Variants in DTD1 observed in about 807,000 individuals in gnomAD.
DTD1 encodes the protein D-tyrosyl-tRNA deacylase 1 homolog.
DTD1 carries 13 observed loss-of-function variants against 25.6 expected under a neutral mutation model. The observed-to-expected ratio is 0.51, with a 90% CI of 0.33 to 0.81. The LOEUF (loss-of-function observed/expected upper bound fraction) is 0.81, where lower values mean the gene tolerates loss of function less well. Ranked by LOEUF, DTD1 falls within the 30% of genes least tolerant of loss-of-function variation. The pLI is 0.02. For missense variants in DTD1, 193 were observed against 266.4 expected (o/e 0.72, Z 1.92); for synonymous variants, 110 against 103.6 (o/e 1.06, Z -0.37).
chr20:18,613,472 T>C (rs2060696394), intron 3 of DTD1, among the ~76,000 whole-genome samples: 1 of 152,174 alleles, frequency 6.6e-6, no homozygotes, highest in African/African-American at 2.4e-5. Flanking sequence ...TAGGCACTTG[T>C]TTTTTATTTT....
chr20:18,618,615 ATATATG>A (rs1463307128), intron 3 of DTD1, among the ~76,000 whole-genome samples: 6 of 150,272 alleles, frequency 4.0e-5, no homozygotes, highest in Non-Finnish European at 8.9e-5. Flanking sequence ...ATGTGTGTGT[ATATATG>A]TATATGTATA....
At chr20:18,609,432 G>A (rs1253785706) in intron 3 of DTD1, among the ~76,000 whole-genome samples, 3 of 151,992 alleles carry the variant, frequency 2.0e-5, no homozygotes, top group African/African-American at 7.2e-5. Context: ...GATTACAGGC[G>A]TGAGCCACCA....
At chr20:18,594,650 T>C (rs2060602811) in intron 2 of DTD1, among the ~76,000 whole-genome samples, 1 of 152,218 alleles carries the variant, frequency 6.6e-6, no homozygotes, top group Non-Finnish European at 1.5e-5. Context: ...TTCTTTTGTG[T>C]TAGATTGAAA....
intron 4 of DTD1, among the ~76,000 whole-genome samples, chr20:18,706,519 T>C (rs2061127068): frequency 6.6e-6 from 1 of 152,180 alleles, no homozygotes; most frequent in African/African-American, 2.4e-5. Context: ...ATGTGGGCAG[T>C]TCAGCATTTC....
chr20:18,634,369 GTT>G (rs1189411710), intron 4 of DTD1, among the ~76,000 whole-genome samples: 2 of 152,168 alleles, frequency 1.3e-5, no homozygotes, highest in African/African-American at 4.8e-5. Context: ...GGCCCACTTA[GTT>G]CATAGTGTTG....
intron 3 of DTD1, among the ~76,000 whole-genome samples, chr20:18,620,839 T>TG (rs2060731123): frequency 6.6e-6 from 1 of 152,194 alleles, no homozygotes; most frequent in Non-Finnish European, 1.5e-5. Flanking sequence ...GTGATCCTCC[T>TG]GCCTCTCAGC....
intron 4 of DTD1, among the ~76,000 whole-genome samples, chr20:18,686,433 A>G (rs544684814): frequency 6.6e-6 from 1 of 152,236 alleles, no homozygotes; most frequent in Non-Finnish European, 1.5e-5. Flanking sequence ...ATTGTTTTAT[A>G]TATAGTTATA....
chr20:18,644,673 G>T (rs1367162972), intron 4 of DTD1, among the ~76,000 whole-genome samples: 2 of 151,008 alleles, frequency 1.3e-5, no homozygotes, highest in East Asian at 3.9e-4. Flanking sequence ...TTCTCATCTT[G>T]GTTCCTTTAC....
chr20:18,708,833 C>A (rs2061146769), intron 4 of DTD1, among the ~76,000 whole-genome samples: 1 of 152,142 alleles, frequency 6.6e-6, no homozygotes, highest in African/African-American at 2.4e-5. Flanking sequence ...CTCCCACCTG[C>A]CCCCGTGGTG....
At chr20:18,595,439 G>A (rs1444076366) in intron 2 of DTD1, among the ~76,000 whole-genome samples, 7 of 151,922 alleles carry the variant, frequency 4.6e-5, no homozygotes, top group African/African-American at 9.7e-5. Context: ...GCTAACTTTT[G>A]TAGTTTTAGT....
At chr20:18,625,179 C>T (rs2060752084) in intron 3 of DTD1, among the ~76,000 whole-genome samples, 1 of 152,198 alleles carries the variant, frequency 6.6e-6, no homozygotes, top group Admixed American at 6.5e-5. Context: ...CCACAAGAGC[C>T]CCAGGTCTGC....
At chr20:18,745,882 A>G (rs182132677) in intron 5 of DTD1, among the ~76,000 whole-genome samples, 2 of 152,316 alleles carry the variant, frequency 1.3e-5, no homozygotes, top group Admixed American at 1.3e-4. Flanking sequence ...AAAGTTTAAA[A>G]AGAGCACTCA....
intron 4 of DTD1, chr20:18,643,329 C>G: frequency 3.7e-6 from 1 of 270,510 alleles, no homozygotes; most frequent in South Asian, 4.5e-5. Context: ...TAGTACGACA[C>G]CGTCTGGCTT....
intron 4 of DTD1, among the ~76,000 whole-genome samples, chr20:18,636,959 A>G (rs1359381283): frequency 6.6e-6 from 1 of 152,238 alleles, no homozygotes; most frequent in Non-Finnish European, 1.5e-5. Context: ...TTTCTGAGCC[A>G]GAGTTCCTGG....
chr20:18,634,497 G>A (rs751204772), intron 4 of DTD1, among the ~76,000 whole-genome samples: 29 of 152,228 alleles, frequency 1.9e-4, no homozygotes, highest in Non-Finnish European at 3.7e-4. Flanking sequence ...GTTAACGGAC[G>A]TGTTTATTGA....
intron 4 of DTD1, among the ~76,000 whole-genome samples, chr20:18,737,260 G>A (rs1279409371): frequency 7.4e-6 from 1 of 135,956 alleles, no homozygotes; most frequent in Non-Finnish European, 1.7e-5. Flanking sequence ...CATCTGCCAC[G>A]GTGTGCCTGG....
chr20:18,593,514 G>C (rs1028817794), intron 1 of DTD1, among the ~76,000 whole-genome samples: 1 of 152,118 alleles, frequency 6.6e-6, no homozygotes, highest in Non-Finnish European at 1.5e-5. Flanking sequence ...TCACTTTACA[G>C]CTCCCATTCA....
intron 3 of DTD1, among the ~76,000 whole-genome samples, chr20:18,627,198 C>G: frequency 6.8e-6 from 1 of 147,130 alleles, no homozygotes. Flanking sequence ...AGAAAGCTGT[C>G]TGTTGGCATG....
chr20:18,642,630 G>A (rs1258776024), intron 4 of DTD1, among the ~76,000 whole-genome samples: 3 of 152,084 alleles, frequency 2.0e-5, no homozygotes, highest in Admixed American at 6.6e-5. Context: ...CGACTCCCAG[G>A]AAGACCGTGA....
Sources: allele counts gnomAD v4.1 joint callset (sites outside exome capture counted in the v4.1 genomes callset), GRCh38; gene constraint gnomAD v4.1.1; transcripts MANE v1.5; gene names NCBI Gene and HGNC (gene_info 2026-07-23, HGNC 2026-07-21).